The following PHKB variants were observed in gnomAD, a reference collection of about 807,000 sequenced individuals.
The protein encoded by PHKB is phosphorylase b kinase regulatory subunit beta.
In PHKB, 122 loss-of-function variants were observed where a neutral mutation model predicts 152.1. The ratio of observed to expected loss-of-function variants is 0.80; its 90% CI spans 0.69 to 0.93. The LOEUF (loss-of-function observed/expected upper bound fraction) is 0.93. Among genes scored for constraint, PHKB ranks in the 40% least tolerant of loss-of-function variants. The probability of loss-of-function intolerance (pLI) is 0.00; values close to 1 mark genes in which losing one functional copy is unlikely to be tolerated. For missense variants in PHKB, 1,304 were observed against 1,328.4 expected, an observed-to-expected ratio of 0.98 and a Z score of 0.29; for synonymous variants, 436 against 464.9, an observed-to-expected ratio of 0.94 and a Z score of 0.80.
At chr16:47,471,972 C>T (rs185099106) in intron 1 of PHKB, among the ~76,000 whole-genome samples, 28 of 152,266 alleles carry the variant, frequency 1.8e-4, no homozygotes, top group Admixed American at 1.2e-3. Context: ...AGGAGAATGG[C>T]GTGAACCCGG....
rs148919796 is a variant in PHKB at position 47,603,163 on chromosome 16, G to A, written c.1363+6632G>A. Among the ~76,000 whole-genome samples, 1,039 of 152,256 alleles carry A rather than the reference G, an allele frequency of 6.8e-3. 13 individuals carry two copies. Among genetic ancestry groups the A allele is most frequent in the African/African-American group, 0.024 (995 of 41,554 alleles). Reference sequence around the variant, plus strand: ...TATGTATATAAGGACATAAGAAACTGAGGTCTTGATTTTCTTTGATCTGTT... The same window carrying A: ...TATGTATATAAGGACATAAGAAACTAAGGTCTTGATTTTCTTTGATCTGTT... On this transcript the variant is annotated intron_variant, in intron 13 of 30. Coordinates refer to ENST00000323584, the MANE Select transcript of PHKB (RefSeq NM_000293.3).
intron 25 of PHKB, among the ~76,000 whole-genome samples, chr16:47,667,126 G>C (rs1226186823): frequency 6.6e-6 from 1 of 151,920 alleles, no homozygotes; most frequent in Non-Finnish European, 1.5e-5. Flanking sequence ...AAAAATAATT[G>C]TACTAATAAA....
At chr16:47,672,425 T>A (rs532217890) in intron 26 of PHKB, among the ~76,000 whole-genome samples, 45 of 152,314 alleles carry the variant, frequency 3.0e-4, no homozygotes, top group African/African-American at 1.0e-3. Context: ...TCTCCATCTC[T>A]GTACATGGTA....
chr16:47,565,848 G>C (rs1457239479), intron 7 of PHKB: 3 of 1,293,310 alleles, frequency 2.3e-6, no homozygotes, highest in East Asian at 2.3e-5. Flanking sequence ...AGCTTGACTG[G>C]ACTGGGAGGT....
intron 14 of PHKB, among the ~76,000 whole-genome samples, chr16:47,624,412 C>G (rs898825995): frequency 2.0e-5 from 3 of 152,126 alleles, no homozygotes; most frequent in African/African-American, 7.2e-5. Flanking sequence ...GTACTTAAGT[C>G]AAAATTGTGC....
rs779940341 is a variant in PHKB at position 47,699,410 on chromosome 16, T to C, written c.*44T>C. 1.2e-6 allele frequency: 2 copies of C among 1,608,698 alleles called. No individual in the cohort carries two copies. The highest frequency in any genetic ancestry group is 1.7e-6 in the Non-Finnish European group (2 of 1,175,192). On this transcript the variant is annotated 3_prime_UTR_variant, in exon 31 of 31. Coordinates refer to ENST00000323584, the MANE Select transcript of PHKB (RefSeq NM_000293.3). ...CTCTGTTGAGACACATGTTCTGAAG[T>C]GTGTTGTGTTTCATGTTCAAGCTTA...
intron 6 of PHKB, among the ~76,000 whole-genome samples, chr16:47,538,559 G>T (rs185763695): frequency 5.7e-4 from 87 of 152,354 alleles, no homozygotes; most frequent in Middle Eastern, 3.4e-3. Flanking sequence ...AGGGAGGTAT[G>T]CTTGCCCCTG....
intron 1 of PHKB, among the ~76,000 whole-genome samples, chr16:47,489,199 A>G (rs1341394342): frequency 1.3e-5 from 2 of 152,098 alleles, no homozygotes; most frequent in East Asian, 3.9e-4. Context: ...CTACAGGTGC[A>G]TGCCACCATG....
chr16:47,641,142 G>A (rs764137003), intron 15 of PHKB, 52 bp downstream of exon 15: 3 of 1,268,662 alleles, frequency 2.4e-6, no homozygotes, highest in Non-Finnish European at 2.3e-6. Context: ...GGAGGGGAGG[G>A]GAAATGATTG....
chr16:47,588,786 A>G (rs1971977686), intron 9 of PHKB, 119 bp from the exon 10 acceptor site: 2 of 795,838 alleles, frequency 2.5e-6, no homozygotes, highest in African/African-American at 1.7e-5. Context: ...TCCTGGGAGC[A>G]GAGCGTGCTC....
chr16:47,666,458 C>T (rs1973540873), intron 25 of PHKB, among the ~76,000 whole-genome samples: 1 of 152,190 alleles, frequency 6.6e-6, no homozygotes, highest in Admixed American at 6.5e-5. Flanking sequence ...CGTGCCAGTG[C>T]TGCTCCCCAG....
At chr16:47,461,483 C>A in intron 1 of PHKB, 57 bp downstream of exon 1, 1 of 1,577,680 alleles carries the variant, frequency 6.3e-7, no homozygotes, top group East Asian at 2.2e-5. Context: ...TGCTTCGCCT[C>A]AAGCGCCTTG....
chr16:47,463,951 C>G (rs1164757668), intron 1 of PHKB: 1 of 1,613,930 alleles, frequency 6.2e-7, no homozygotes, highest in Non-Finnish European at 8.5e-7. Flanking sequence ...GGCCTGCTCA[C>G]CTGATGCAGT....
chr16:47,554,708 CTG>C (rs1274831897), intron 7 of PHKB, among the ~76,000 whole-genome samples: 3 of 152,180 alleles, frequency 2.0e-5, no homozygotes, highest in Non-Finnish European at 4.4e-5. Context: ...AGTGTAGTAT[CTG>C]GGCCAGATTG....
At chr16:47,662,782 T>C (rs1347835879) in intron 23 of PHKB, among the ~76,000 whole-genome samples, 10 of 152,178 alleles carry the variant, frequency 6.6e-5, no homozygotes, top group Non-Finnish European at 1.5e-4. Context: ...AGGACATTCA[T>C]TGAAATTTGC....
At chr16:47,619,058 A>T (rs1237528732) in intron 14 of PHKB, 1 of 152,218 alleles carries the variant, frequency 6.6e-6, no homozygotes. Flanking sequence ...GGCACTGTAC[A>T]TGCCACTTCT....
At chr16:47,547,377 C>T in intron 6 of PHKB, 56 bp from the exon 7 acceptor site, 1 of 1,080,308 alleles carries the variant, frequency 9.3e-7, no homozygotes, top group South Asian at 1.3e-5. Context: ...GCCACCACAC[C>T]CGGCCTATGT....
chr16:47,490,672 A>T (rs1225210622), intron 1 of PHKB, among the ~76,000 whole-genome samples: 1 of 152,218 alleles, frequency 6.6e-6, no homozygotes. Context: ...AACACACTTG[A>T]TGTTATGAAA....
chr16:47,674,240 T>C (rs868297536), intron 26 of PHKB, among the ~76,000 whole-genome samples: 2 of 151,840 alleles, frequency 1.3e-5, no homozygotes, highest in South Asian at 2.1e-4. Flanking sequence ...GGAACTTGAG[T>C]AGGTACAAGT....
Sources: gnomAD v4.1 joint callset for allele counts (sites outside exome capture counted in the v4.1 genomes callset) on GRCh38, gnomAD v4.1.1 for gene constraint, MANE v1.5 for transcripts, NCBI Gene and HGNC (gene_info 2026-07-23, HGNC 2026-07-21) for gene names.